PRIM2: variants seen among roughly 807,000 people sequenced by gnomAD.
PRIM2 encodes DNA primase large subunit.
Under a neutral mutation model 67.3 loss-of-function variants are expected in PRIM2, and 39 were observed. The ratio of observed to expected loss-of-function variants is 0.58; its 90% confidence interval spans 0.45 to 0.76. The LOEUF (loss-of-function observed/expected upper bound fraction) is 0.76, where lower values mean the gene tolerates loss of function less well. Ranked by LOEUF, PRIM2 falls within the 30% of genes least tolerant of loss-of-function variation. The pLI, the probability that PRIM2 is intolerant of heterozygous loss-of-function variation, is 0.00. For missense variants in PRIM2, 398 were observed against 598.7 expected, an observed-to-expected ratio of 0.66 and a Z score of 3.50; for synonymous variants, 143 against 198.7, an observed-to-expected ratio of 0.72 and a Z score of 2.36.
the PRIM2 span, among the ~76,000 whole-genome samples, chr6:57,274,299 T>C: frequency 2.4e-4 from 36 of 152,164 alleles, no homozygotes; most frequent in South Asian, 7.5e-3. Flanking sequence ...CCCTGCCGCT[T>C]TGTTTACCTA....
intron 7 of PRIM2, among the ~76,000 whole-genome samples, chr6:57,499,424 T>A (rs1774080471): frequency 3.3e-5 from 5 of 152,174 alleles, no homozygotes. Context: ...CCATAAACCC[T>A]AGCCGACCTC....
At chr6:57,294,551 G>T in the PRIM2 span, among the ~76,000 whole-genome samples, 1 of 151,478 alleles carries the variant, frequency 6.6e-6, no homozygotes, top group East Asian at 1.9e-4. Context: ...GATTACAAGT[G>T]CATGTATATA....
rs1383953135 is a variant in PRIM2, at chr6:57,576,713, G to T, written c.1021-24380G>T. Among the ~76,000 whole-genome samples, 737 of 150,540 alleles carry T rather than the reference G, an allele frequency of 4.9e-3. 5 individuals are homozygous for T. The highest frequency in any genetic ancestry group is 0.017 in the African/African-American group (709 of 40,760). On this transcript the variant is annotated intron_variant, in intron 10 of 13. Transcript: ENST00000615550. ...ACATTTTCTCAGATATTTCTATAGG[G>T]TTTGATATGCTGCTTCTTTGTATTA...
chr6:57,526,708 G>A (rs1165481044), intron 8 of PRIM2, among the ~76,000 whole-genome samples: 1 of 152,156 alleles, frequency 6.6e-6, no homozygotes, highest in Non-Finnish European at 1.5e-5. Flanking sequence ...GTTGGTGACA[G>A]TGAATGTCTC....
intron 13 of PRIM2, among the ~76,000 whole-genome samples, chr6:57,641,238 T>G (rs1294576355): frequency 2.0e-5 from 3 of 151,884 alleles, no homozygotes; most frequent in Admixed American, 6.6e-5. Flanking sequence ...AAAAATTAAC[T>G]CAAGTTGGAT....
At chr6:57,416,935 G>T (rs575529884) in intron 7 of PRIM2, among the ~76,000 whole-genome samples, 1 of 150,810 alleles carries the variant, frequency 6.6e-6, no homozygotes, top group Non-Finnish European at 1.5e-5. Context: ...CTTTATATTG[G>T]TAATATGGCT....
intron 7 of PRIM2, among the ~76,000 whole-genome samples, chr6:57,411,775 C>T (rs1351988480): frequency 1.3e-5 from 2 of 151,678 alleles, no homozygotes; most frequent in Non-Finnish European, 2.9e-5. Context: ...TAGACTTTTC[C>T]TTTCATGTAA....
chr6:57,285,509 G>A, the PRIM2 span, among the ~76,000 whole-genome samples: 2 of 152,108 alleles, frequency 1.3e-5, no homozygotes, highest in Non-Finnish European at 2.9e-5. Flanking sequence ...GAAACAGAAC[G>A]AATGACAAAA....
At chr6:57,448,165 G>T (rs966837330) in intron 7 of PRIM2, among the ~76,000 whole-genome samples, 29 of 152,262 alleles carry the variant, frequency 1.9e-4, no homozygotes, top group African/African-American at 7.0e-4. Flanking sequence ...ACATTTTCCA[G>T]AGAAATGTTA....
the PRIM2 span, among the ~76,000 whole-genome samples, chr6:57,263,908 C>T: frequency 2.0e-5 from 3 of 152,146 alleles, no homozygotes; most frequent in Non-Finnish European, 4.4e-5. Context: ...AGGCTTGCAC[C>T]CTCCCCTCCT....
At chr6:57,287,837 C>G in the PRIM2 span, among the ~76,000 whole-genome samples, 1 of 151,894 alleles carries the variant, frequency 6.6e-6, no homozygotes, top group Non-Finnish European at 1.5e-5. Flanking sequence ...CAGATCTGGT[C>G]TGCAGCTCCC....
upstream of PRIM2, among the ~76,000 whole-genome samples, chr6:57,312,286 A>G (rs1562687256): frequency 6.6e-6 from 1 of 152,130 alleles, no homozygotes; most frequent in Non-Finnish European, 1.5e-5. Context: ...GGATTGCTTG[A>G]GTCCAGAAGT....
At chr6:57,254,751 T>A in the PRIM2 span, among the ~76,000 whole-genome samples, 1 of 152,052 alleles carries the variant, frequency 6.6e-6, no homozygotes, top group Non-Finnish European at 1.5e-5. Context: ...CAAACCTCCA[T>A]GATTTAGCAG....
the PRIM2 span, among the ~76,000 whole-genome samples, chr6:57,299,044 G>A: frequency 1.3e-5 from 2 of 151,778 alleles, no homozygotes; most frequent in Non-Finnish European, 2.9e-5. Context: ...TTCTCTCTGT[G>A]CCTGAATTTC....
chr6:57,591,758 C>A (rs1248231026), intron 10 of PRIM2, among the ~76,000 whole-genome samples: 4 of 152,138 alleles, frequency 2.6e-5, no homozygotes, highest in South Asian at 2.1e-4. Context: ...GGAAATCCCC[C>A]GTTTGGAGAT....
intron 7 of PRIM2, among the ~76,000 whole-genome samples, chr6:57,434,224 C>CAG (rs1771936171): frequency 2.0e-5 from 2 of 97,678 alleles, no homozygotes; most frequent in South Asian, 8.7e-4. Context: ...CATGCGCAGA[C>CAG]TTCCTGAGTT....
chr6:57,521,479 G>GTTTTTCCA (rs1698528227), intron 8 of PRIM2, among the ~76,000 whole-genome samples: 2 of 135,738 alleles, frequency 1.5e-5, no homozygotes, highest in African/African-American at 5.4e-5. Flanking sequence ...TCCTGAAATT[G>GTTTTTCCA]TTTTTCCATT....
intron 7 of PRIM2, among the ~76,000 whole-genome samples, chr6:57,498,148 G>A (rs1774047705): frequency 6.6e-6 from 1 of 152,042 alleles, no homozygotes; most frequent in Admixed American, 6.6e-5. Context: ...TTTTGTTGCT[G>A]TGAGGTCTGT....
At chr6:57,589,511 T>TTA (rs1776249233) in intron 10 of PRIM2, among the ~76,000 whole-genome samples, 2 of 152,114 alleles carry the variant, frequency 1.3e-5, no homozygotes. Flanking sequence ...GGAACTTTAC[T>TTA]GAGTCAGAAA....
Sources: gnomAD v4.1 joint callset for allele counts (sites outside exome capture counted in the v4.1 genomes callset) on GRCh38, gnomAD v4.1.1 for gene constraint, MANE v1.5 for transcripts, NCBI Gene and HGNC (gene_info 2026-07-23, HGNC 2026-07-21) for gene names.